PLIN1: variants seen among roughly 807,000 people sequenced by gnomAD.
PLIN1 encodes the protein perilipin 1.
PLIN1 carries 37 observed loss-of-function variants against 45.8 expected under a neutral mutation model. The ratio of observed to expected loss-of-function variants is 0.81; its 90% CI spans 0.62 to 1.06. PLIN1 has a LOEUF of 1.06. PLIN1 is among the 50% of genes least tolerant of loss of function. PLIN1 has a pLI of 0.00. For missense variants in PLIN1, 776 were observed against 716.5 expected (o/e 1.08, Z -0.95); for synonymous variants, 340 against 309.2 (o/e 1.10, Z -1.05).
chr15:89,670,272 C>T (rs756609931), intron 4 of PLIN1, 28 bp from the exon 5 acceptor site: 2 of 1,602,478 alleles, frequency 1.2e-6, no homozygotes, highest in African/African-American at 2.7e-5. Flanking sequence ...GGGTGTTAGG[C>T]ATGTGGTCTT....
intron 3 of PLIN1, 98 bp from the exon 4 acceptor site, chr15:89,671,662 C>T (rs932824946): frequency 1.2e-5 from 11 of 899,296 alleles, no homozygotes; most frequent in South Asian, 2.8e-5. Context: ...GCCCTCAAAT[C>T]CCAAGGCCTG....
intron 7 of PLIN1, 79 bp downstream of exon 7, chr15:89,667,523 C>A (rs1018135921): frequency 4.3e-6 from 7 of 1,610,074 alleles, no homozygotes; most frequent in African/African-American, 4.0e-5. Flanking sequence ...GGGGCAGAGG[C>A]CCTGAGTTCA....
chr15:89,665,614 G>T lies in PLIN1; in HGVS notation c.1538C>A (p.Thr513Lys). 2 of 1,529,408 alleles carry T rather than the reference G, an allele frequency of 1.3e-6. No individual in the cohort carries two copies. The highest frequency in any genetic ancestry group is 1.8e-6 in the Non-Finnish European group (2 of 1,140,654). The allele number at this position is 1,529,408 out of a possible 1,614,324, so 94.7% of individuals were successfully genotyped here. The change falls in exon 9 of 9, where the codon ACG becomes AAG. Residue 513 changes from threonine to lysine, a missense_variant. Physicochemically the swap from Thr to Lys is moderately conservative, Grantham distance 78 (BLOSUM62 -1). Coordinates refer to ENST00000300055, the MANE Select transcript of PLIN1 (RefSeq NM_002666.5). ...CTTCTTGCGCAGCTGGCTGTAATGC[G>T]TGCGGCCCAGGATGGGCTCCATGAC... is the stretch of plus-strand genomic sequence containing the variant. ...PSVMEPILGR[T>K]HYSQLRKKS
At position 89,673,433 on chromosome 15, in the gene PLIN1, A is replaced by G; in HGVS notation, c.46-19T>C. ...CCTGCTCCTGGTGCGGAAGGAACAC[A>G]TTCAAGTTGTCCCACCTCCCTCTCC... is the stretch of plus-strand genomic sequence containing the variant. On this transcript the variant is annotated intron_variant, in intron 2 of 8. Coordinates refer to ENST00000300055, the MANE Select transcript of PLIN1 (RefSeq NM_002666.5). 5 of 1,577,708 alleles carry G rather than the reference A, an allele frequency of 3.2e-6. No homozygotes were observed. Among genetic ancestry groups the G allele is most frequent in the Non-Finnish European group, 4.3e-6 (5 of 1,159,756 alleles).
Position 89,667,159 on chromosome 15 carries a change from CGAGGGCCTGGCAGGGCTGCTACCT to C in PLIN1, c.964-2_985del. On this transcript the variant is annotated splice_acceptor_variant and coding_sequence_variant, in exon 8 of 9. Coordinates refer to ENST00000300055, the MANE Select transcript of PLIN1 (RefSeq NM_002666.5). LOFTEE classifies it high-confidence loss of function. ...ATGTGCCACACCACCCAGGAGGCCT[CGAGGGCCTGGCAGGGCTGCTACCT>C]GGGGGCCAAAGCAGGGTCAGTGCCT... The C allele has an allele frequency of 6.2e-7, 1 of 1,613,608 alleles. No individual in the cohort carries two copies. The highest frequency in any genetic ancestry group is 8.5e-7 in the Non-Finnish European group (1 of 1,180,008).
intron 7 of PLIN1, 83 bp from the exon 8 acceptor site, chr15:89,667,264 A>G (rs1482712900): frequency 1.3e-4 from 209 of 1,564,508 alleles, no homozygotes; most frequent in Admixed American, 3.7e-4. Flanking sequence ...CTAGAGGGGA[A>G]AGCATGAGAA....
rs1466778518 is a variant in PLIN1 at position 89,665,478 on chromosome 15, C to A, written c.*105G>T. 2.7e-6 allele frequency: 3 copies of A among 1,113,850 alleles called. No individual in the cohort carries two copies. The highest frequency in any genetic ancestry group is 3.8e-6 in the Non-Finnish European group (3 of 794,046). The allele number at this position is 1,113,850 out of a possible 1,614,324, so 69.0% of individuals were successfully genotyped here. On this transcript the variant is annotated 3_prime_UTR_variant, in exon 9 of 9. Transcript: ENST00000300055. ...CATCATCAGGATGAGGCTGAGCTCC[C>A]CAGGGGACCACTTTGAAAGTGGCAA...
chr15:89,677,922 T>G (rs879562092), intron 1 of PLIN1: 39 of 175,516 alleles, frequency 2.2e-4, no homozygotes, highest in Admixed American at 9.9e-4. Flanking sequence ...GGCTAGTTTT[T>G]TTTTTTTTTT....
intron 2 of PLIN1, among the ~76,000 whole-genome samples, chr15:89,675,588 C>G (rs544708993): frequency 5.9e-5 from 9 of 152,126 alleles, no homozygotes; most frequent in Admixed American, 2.6e-4. Flanking sequence ...GCCGGGGTGA[C>G]AGAGCAAGAC....
At position 89,670,030 on chromosome 15, in the gene PLIN1, C is replaced by T. The variant is rs754546345; in HGVS notation, c.548G>A (p.Ser183Asn). The T allele has an allele frequency of 6.2e-7, 1 of 1,613,836 alleles. No homozygotes were observed. The change falls in exon 5 of 9, where the codon AGC (serine) becomes AAC (asparagine). Residue 183 changes from serine (S) to asparagine (N), a missense_variant. Transcript: ENST00000300055. Reference protein sequence around the residue: ...ASGGADLALGSIEKVVEYLLP... With the variant: ...ASGGADLALGNIEKVVEYLLP... ...GAGGTACTCCACCACCTTCTCAATG[C>T]TGCCCAAGGCCAAGTCGGCCCCTCC...
At position 89,666,978 on chromosome 15, in the gene PLIN1, G is replaced by A. The variant is rs373726332; in HGVS notation, c.1167C>T (p.Gly389=). Reference sequence around the variant, plus strand: ...CTGTGTCCACCACGTTGTCAGTAACGCCCTTCAGGGCATCTGATAGGGACA... The same window carrying A: ...CTGTGTCCACCACGTTGTCAGTAACACCCTTCAGGGCATCTGATAGGGACA... The part of the protein sequence containing the change: ...RAMSLSDALK[G]VTDNVVDTVV... The change falls in exon 8 of 9, where the codon GGC becomes GGT. Residue 389 remains glycine, a synonymous_variant. Coordinates refer to ENST00000300055, the MANE Select transcript of PLIN1 (RefSeq NM_002666.5). 56 of 1,613,916 alleles carry A rather than the reference G, an allele frequency of 3.5e-5. No homozygotes were observed. The highest frequency in any genetic ancestry group is 1.5e-4 in the African/African-American group (11 of 74,922).
chr15:89,666,578 C>T (rs1051375913), intron 8 of PLIN1, among the ~76,000 whole-genome samples: 1 of 152,178 alleles, frequency 6.6e-6, no homozygotes, highest in African/African-American at 2.4e-5. Context: ...CCCTGGAAGC[C>T]TCTCCAACCC....
rs765346832 is a variant in PLIN1 at position 89,665,529 on chromosome 15, GTTTA to G, written c.*50_*53del. On this transcript the variant is annotated 3_prime_UTR_variant, in exon 9 of 9. Transcript: ENST00000300055. Reference sequence around the variant, plus strand: ...CGCTCGCCTGGGCAGTGCGGGTTCTGTTTATTTGTTAGAGAAACCCGCCGGCCCG... The same window carrying G: ...CGCTCGCCTGGGCAGTGCGGGTTCTGTTTGTTAGAGAAACCCGCCGGCCCG... 2.7e-4 allele frequency: 411 copies of G among 1,512,990 alleles called. 1 individual carries two copies. The highest frequency in any genetic ancestry group is 3.5e-4 in the Non-Finnish European group (400 of 1,131,492). The allele number at this position is 1,512,990 out of a possible 1,614,324, so 93.7% of individuals were successfully genotyped here. A position where few individuals can be genotyped will look rare whatever the true frequency, so the allele number is the denominator to read the frequency against.
chr15:89,676,423 A>AT (rs1386751456), intron 2 of PLIN1, among the ~76,000 whole-genome samples: 2 of 151,926 alleles, frequency 1.3e-5, no homozygotes, highest in East Asian at 1.9e-4. Flanking sequence ...GATTTTTTGT[A>AT]TTTTTAGTAG....
At position 89,665,023 on chromosome 15, in the gene PLIN1, A is replaced by T. The variant is rs1318176083; in HGVS notation, c.*560T>A. On this transcript the variant is annotated 3_prime_UTR_variant, in exon 9 of 9. Transcript: ENST00000300055. Reference sequence around the variant, plus strand: ...AAAGTGACACTAGTATTTTAAATAAACACCCAAGAGCTTTTGCATCTGATT... The same window carrying T: ...AAAGTGACACTAGTATTTTAAATAATCACCCAAGAGCTTTTGCATCTGATT... 2.3e-6 allele frequency: 1 copy of T among 437,792 alleles called. No homozygotes were observed. The highest frequency in any genetic ancestry group is 2.0e-5 in the African/African-American group (1 of 49,366). The allele number at this position is 437,792 out of a possible 1,614,324, so 27.1% of individuals were successfully genotyped here. A position where few individuals can be genotyped will look rare whatever the true frequency, so the allele number is the denominator to read the frequency against.
intron 8 of PLIN1, 41 bp downstream of exon 8, chr15:89,666,895 C>T (rs1430954326): frequency 2.5e-6 from 4 of 1,610,704 alleles, no homozygotes; most frequent in Middle Eastern, 1.7e-4. Context: ...CATGTCCAGG[C>T]CCCCTTGGGA....
intron 2 of PLIN1, among the ~76,000 whole-genome samples, chr15:89,674,591 G>C (rs770504845): frequency 5.9e-5 from 9 of 152,110 alleles, no homozygotes; most frequent in Non-Finnish European, 1.3e-4. Context: ...CCCTCACAAA[G>C]TGGCCTGTGT....
intron 7 of PLIN1, 97 bp from the exon 8 acceptor site, chr15:89,667,278 C>A: frequency 1.3e-6 from 2 of 1,523,564 alleles, no homozygotes; most frequent in Non-Finnish European, 9.0e-7. Context: ...ATGAGAATAC[C>A]AAATTTACAA....
At position 89,669,988 on chromosome 15, in the gene PLIN1, T is replaced by C. The variant is rs759632283; in HGVS notation, c.590A>G (p.Glu197Gly). 3.7e-6 allele frequency: 6 copies of C among 1,611,522 alleles called. No individual in the cohort carries two copies. In the Admixed American group the frequency reaches 1.0e-4, roughly 27 times the overall value. ...CTCCGAATGGCAGGTACCTGACTCTTCCTTGTCTGGAGGGAGGAGGTACTC... is the reference window on the plus strand; with the variant it reads ...CTCCGAATGGCAGGTACCTGACTCTCCCTTGTCTGGAGGGAGGAGGTACTC... ...VVEYLLPPDKEESAPAPGHQQ... is the reference protein window; with the variant it reads ...VVEYLLPPDKGESAPAPGHQQ... Residue 197 changes from glutamate (E) to glycine (G), a missense_variant, in exon 5 of 9, where the codon GAA becomes GGA. Glu to Gly is a moderately conservative substitution (Grantham distance 98). Transcript: ENST00000300055.
Sources: gnomAD v4.1 joint callset for allele counts (sites outside exome capture counted in the v4.1 genomes callset) on GRCh38, gnomAD v4.1.1 for gene constraint, MANE v1.5 for transcripts, NCBI Gene and HGNC (gene_info 2026-07-23, HGNC 2026-07-21) for gene names.